The following PTPRE variants were observed in gnomAD, a reference collection of about 807,000 sequenced individuals.
The protein encoded by PTPRE is receptor-type tyrosine-protein phosphatase epsilon.
A neutral mutation model predicts 102.0 loss-of-function variants in PTPRE; 51 were observed. That is an observed-to-expected ratio of 0.50 (90% CI 0.40 to 0.63). The LOEUF is 0.63. Ranked by LOEUF, PTPRE falls within the 30% of genes least tolerant of loss-of-function variation. The pLI is 0.00. For missense variants in PTPRE, 752 were observed against 915.1 expected (o/e 0.82, Z 2.30); for synonymous variants, 345 against 348.2 (o/e 0.99, Z 0.10).
intron 2 of PTPRE, among the ~76,000 whole-genome samples, chr10:127,995,162 G>C (rs1048060197): frequency 1.3e-5 from 2 of 152,144 alleles, no homozygotes; most frequent in Non-Finnish European, 2.9e-5. Flanking sequence ...CCACTCCTGA[G>C]AGCCAGGAGG....
At chr10:127,982,324 T>A in intron 2 of PTPRE, 28 bp downstream of exon 2, 1 of 1,194,546 alleles carries the variant, frequency 8.4e-7, no homozygotes, top group Non-Finnish European at 1.1e-6. Context: ...TAAAAATTAT[T>A]TTTGATGTAC....
At chr10:128,065,734 G>C (rs1437662387) in intron 10 of PTPRE, among the ~76,000 whole-genome samples, 1 of 152,200 alleles carries the variant, frequency 6.6e-6, no homozygotes, top group East Asian at 1.9e-4. Flanking sequence ...GTCACTTGGA[G>C]TTAGGTGCCC....
At chr10:128,037,132 A>G (rs1042153543) in intron 2 of PTPRE, among the ~76,000 whole-genome samples, 7 of 152,236 alleles carry the variant, frequency 4.6e-5, no homozygotes, top group Non-Finnish European at 7.3e-5. Flanking sequence ...CTAATAATGT[A>G]GATTGTTAAT....
chr10:127,951,718 C>T (rs1849040703), intron 1 of PTPRE, among the ~76,000 whole-genome samples: 1 of 152,198 alleles, frequency 6.6e-6, no homozygotes, highest in African/African-American at 2.4e-5. Flanking sequence ...GCTATTAGTG[C>T]TATCTCTACC....
Position 128,069,722 on chromosome 10 carries a change from T to A in PTPRE, c.1038T>A (p.Ile346=), listed in dbSNP as rs1850598989. Residue 346 remains isoleucine, a synonymous_variant, in exon 13 of 21, where the codon ATT becomes ATA. Coordinates refer to ENST00000254667, the MANE Select transcript of PTPRE (RefSeq NM_006504.6). ...GCGTGGGCCGGACGGGCACCTTCAT[T>A]GTGATCGATGCCATGATGGCCATGA... The part of the protein sequence containing the change: ...SAGVGRTGTF[I]VIDAMMAMMH... 6.2e-7 allele frequency: 1 copy of A among 1,614,038 alleles called. No homozygotes were observed. Among genetic ancestry groups the A allele is most frequent in the African/African-American group, 1.3e-5 (1 of 74,926 alleles).
chr10:128,056,218 G>T lies in PTPRE; in HGVS notation c.511+5G>T. Reference sequence around the variant, plus strand: ...GATATCCCAACATCCTTCCCAGTAAGATTTTATTTTATGTTTTGCATGATC... The same window carrying T: ...GATATCCCAACATCCTTCCCAGTAATATTTTATTTTATGTTTTGCATGATC... On this transcript the variant is annotated splice_donor_5th_base_variant and intron_variant, in intron 7 of 20. Coordinates refer to ENST00000254667, the MANE Select transcript of PTPRE (RefSeq NM_006504.6). 6.3e-7 allele frequency: 1 copy of T among 1,593,622 alleles called. No homozygotes were observed.
chr10:127,944,849 A>G lies in PTPRE; in HGVS notation c.-30-37425A>G, dbSNP rs193286835. On this transcript the variant is annotated intron_variant, in intron 1 of 20. Transcript: ENST00000254667. The surrounding 1 kb of genome is among the most constrained non-coding windows in gnomAD (Gnocchi z 4.2). ...GCAATGAGATGGAGAGAGTGGGCAG[A>G]TTCCACACATTTTTAGAAAGCCTGA... 1.3e-5 allele frequency among the ~76,000 whole-genome samples: 2 copies of G among 152,314 alleles called. No homozygotes were observed. Among genetic ancestry groups the G allele is most frequent in the Non-Finnish European group, 2.9e-5 (2 of 68,022 alleles).
chr10:128,077,756 G>A lies in PTPRE; in HGVS notation c.1865G>A (p.Gly622Asp), dbSNP rs1851345462. 1 of 1,606,796 alleles carries A rather than the reference G, an allele frequency of 6.2e-7. No homozygotes were observed. The highest frequency in any genetic ancestry group is 8.5e-7 in the Non-Finnish European group (1 of 1,174,066). ...AAVQKQQQQTGNHPITVHCSA... is the reference protein window; with the variant it reads ...AAVQKQQQQTDNHPITVHCSA... ...GTGCAGAAGCAGCAGCAGCAGACAG[G>A]CAACCACCCCATCACCGTGCACTGC... The change falls in exon 19 of 21, where the codon GGC (glycine) becomes GAC (aspartate). Residue 622 changes from glycine to aspartate, a missense_variant. Coordinates refer to ENST00000254667, the MANE Select transcript of PTPRE (RefSeq NM_006504.6).
At chr10:127,968,028 G>A (rs1051913951) in intron 1 of PTPRE, among the ~76,000 whole-genome samples, 12 of 150,324 alleles carry the variant, frequency 8.0e-5, no homozygotes, top group African/African-American at 2.7e-4. Context: ...GTGTGTGTGT[G>A]TGTGTGTGTG....
intron 2 of PTPRE, among the ~76,000 whole-genome samples, chr10:128,036,076 G>A (rs1847189679): frequency 6.6e-6 from 1 of 152,156 alleles, no homozygotes; most frequent in Non-Finnish European, 1.5e-5. Context: ...AGAGGAGGCA[G>A]GGATGTTGGG....
At chr10:128,003,332 T>A (rs571083401) in intron 2 of PTPRE, among the ~76,000 whole-genome samples, 63 of 152,228 alleles carry the variant, frequency 4.1e-4, no homozygotes, top group African/African-American at 1.4e-3. Flanking sequence ...ATTTTTTATT[T>A]CACTGGGAAA....
chr10:128,079,906 G>A (rs1021841804), intron 20 of PTPRE, among the ~76,000 whole-genome samples: 5 of 152,302 alleles, frequency 3.3e-5, no homozygotes, highest in East Asian at 1.9e-4. Flanking sequence ...GGCAAGACCC[G>A]GGAGGAGGGG....
At chr10:128,004,951 T>A (rs917336393) in intron 2 of PTPRE, among the ~76,000 whole-genome samples, 1 of 152,020 alleles carries the variant, frequency 6.6e-6, no homozygotes, top group African/African-American at 2.4e-5. Flanking sequence ...TGAAGTGGAG[T>A]GTGATTATGG....
chr10:128,038,142 A>G (rs117819994), intron 2 of PTPRE, among the ~76,000 whole-genome samples: 1,538 of 152,162 alleles, frequency 0.01, 17 homozygotes, highest in Non-Finnish European at 0.017. Flanking sequence ...ATTTGGACCA[A>G]TTCATGTCTG....
intron 2 of PTPRE, among the ~76,000 whole-genome samples, chr10:128,003,574 G>C (rs1854195679): frequency 6.6e-6 from 1 of 152,082 alleles, no homozygotes; most frequent in African/African-American, 2.4e-5. Flanking sequence ...AAATAATCCT[G>C]AATAGCTAGA....
At chr10:128,041,438 A>G (rs1047311862) in intron 3 of PTPRE, among the ~76,000 whole-genome samples, 2 of 152,120 alleles carry the variant, frequency 1.3e-5, no homozygotes, top group African/African-American at 4.8e-5. Context: ...TCACGAGGTC[A>G]AGAGATTGAG....
intron 7 of PTPRE, among the ~76,000 whole-genome samples, chr10:128,058,650 G>A (rs1849224741): frequency 6.6e-6 from 1 of 152,180 alleles, no homozygotes; most frequent in South Asian, 2.1e-4. Flanking sequence ...GAGCTCTCAG[G>A]GCTGCTCCAC....
rs939185037 is a variant in PTPRE, at chr10:128,008,071, T to TCTCTCAC, written c.-8+25777_-8+25783dup. Among the ~76,000 whole-genome samples the TCTCTCAC allele has an allele frequency of 2.0e-5, 3 of 152,128 alleles. No homozygotes were observed. Among genetic ancestry groups the TCTCTCAC allele is most frequent in the Non-Finnish European group, 2.9e-5 (2 of 68,018 alleles). ...GTCAGCTTCCTCCAGGAAGAAGGCA[T>TCTCTCAC]CTCTCACCACTGGGGAGGCACAGGA... On this transcript the variant is annotated intron_variant, in intron 2 of 20. Transcript: ENST00000254667. This position sits in a 1 kb window ranked among gnomAD's most constrained non-coding sequence, Gnocchi z 4.0.
chr10:128,017,624 G>C (rs189382792), intron 2 of PTPRE, among the ~76,000 whole-genome samples: 1 of 152,186 alleles, frequency 6.6e-6, no homozygotes, highest in East Asian at 1.9e-4. Context: ...GTCACCCAGA[G>C]TCCATACTCT....
Sources: allele counts gnomAD v4.1 joint callset (sites outside exome capture counted in the v4.1 genomes callset), GRCh38; gene constraint gnomAD v4.1.1; non-coding constraint Gnocchi (gnomAD v3.1); transcripts MANE v1.5; gene names NCBI Gene and HGNC (gene_info 2026-07-23, HGNC 2026-07-21).